Variants in PHF21A observed in about 807,000 individuals in gnomAD.
The protein encoded by PHF21A is PHD finger protein 21A, also known as BHC80a.
In PHF21A, 11 loss-of-function variants were observed where a neutral mutation model predicts 82.5. That is an observed-to-expected ratio of 0.13 (90% CI 0.08 to 0.22). The LOEUF is 0.22. Ranked by LOEUF, PHF21A falls within the 10% of genes least tolerant of loss-of-function variation. PHF21A has a pLI of 1.00. For synonymous variants in PHF21A, 297 were observed against 302.8 expected, an observed-to-expected ratio of 0.98 and a Z score of 0.20; for missense variants, 579 against 837.8, an observed-to-expected ratio of 0.69 and a Z score of 3.81.
chr11:46,107,704 C>G (rs1445289065), intron 1 of PHF21A, among the ~76,000 whole-genome samples: 2 of 152,136 alleles, frequency 1.3e-5, no homozygotes, highest in African/African-American at 2.4e-5. Context: ...AAAATTACAA[C>G]AGTGAATTAT....
chr11:45,969,772 G>T, intron 9 of PHF21A, 43 bp downstream of exon 9: 2 of 1,327,266 alleles, frequency 1.5e-6, no homozygotes, highest in Non-Finnish European at 2.2e-6. Context: ...GAGGATTTCT[G>T]TCCCATCTAA....
In PHF21A at chr11:46,086,773, C is replaced by T. The variant is rs1565920128; in HGVS notation, c.-83-2471G>A. Among the ~76,000 whole-genome samples the T allele has an allele frequency of 7.9e-5, 12 of 152,082 alleles. No individual in the cohort carries two copies. The South Asian group carries it at 2.5e-3, about 32-fold the overall frequency. On this transcript the variant is annotated intron_variant, in intron 3 of 18. Coordinates refer to ENST00000676320, the MANE Select transcript of PHF21A (RefSeq NM_001352027.3). ...CATTCTACTGACAGTAACATAAAAC[C>T]ATAGTTCAATTCAATTCACATAAAC...
At chr11:46,071,858 TAAG>T (rs1000410275) in intron 6 of PHF21A, among the ~76,000 whole-genome samples, 5 of 152,042 alleles carry the variant, frequency 3.3e-5, no homozygotes, top group Non-Finnish European at 7.4e-5. Context: ...CTCAAAAATC[TAAG>T]AAGATTTTCA....
chr11:46,109,190 G>A (rs1270545021), intron 1 of PHF21A, among the ~76,000 whole-genome samples: 1 of 152,184 alleles, frequency 6.6e-6, no homozygotes, highest in Non-Finnish European at 1.5e-5. Flanking sequence ...TTGAATCCAG[G>A]TTGTATCATT....
intron 6 of PHF21A, among the ~76,000 whole-genome samples, chr11:46,025,605 T>A (rs556446738): frequency 6.6e-6 from 1 of 152,350 alleles, no homozygotes; most frequent in African/African-American, 2.4e-5. Flanking sequence ...TAATCTCATT[T>A]AAAAAATTTT....
At position 45,979,782 on chromosome 11, in the gene PHF21A, G is replaced by A; in HGVS notation, c.338C>T (p.Ser113Phe). ...TACCTGTGAAGCAGTCAGGTTGGGA[G>A]AGGCTGCAGCTGACTGCTGGGCGTG... is the stretch of plus-strand genomic sequence containing the variant. The part of the protein sequence containing the change: ...HHHAQQSAAA[S>F]PNLTASQKTV... The change falls in exon 7 of 19, where the codon TCT becomes TTT. Residue 113 changes from serine (S) to phenylalanine (F), a missense_variant. Around this residue, in one of 3 missense-constraint regions of PHF21A, gnomAD observed 410 missense variants for 642.1 expected, o/e 0.64. Coordinates refer to ENST00000676320, the MANE Select transcript of PHF21A (RefSeq NM_001352027.3). 6.2e-7 allele frequency: 1 copy of A among 1,614,036 alleles called. No homozygotes were observed. The highest frequency in any genetic ancestry group is 8.5e-7 in the Non-Finnish European group (1 of 1,180,036).
intron 6 of PHF21A, among the ~76,000 whole-genome samples, chr11:46,021,242 G>A (rs1172571960): frequency 6.6e-6 from 1 of 151,770 alleles, no homozygotes; most frequent in Non-Finnish European, 1.5e-5. Flanking sequence ...TTTATTTTTT[G>A]TAGAGATGGG....
chr11:45,942,817 C>G (rs2090599578), intron 15 of PHF21A, among the ~76,000 whole-genome samples: 1 of 152,180 alleles, frequency 6.6e-6, no homozygotes, highest in African/African-American at 2.4e-5. Context: ...TGAGAACCTT[C>G]AAGTTCAAGG....
At chr11:46,067,147 T>G (rs554060493) in intron 6 of PHF21A, among the ~76,000 whole-genome samples, 1 of 152,284 alleles carries the variant, frequency 6.6e-6, no homozygotes, top group African/African-American at 2.4e-5. Context: ...GTTTTCAAAT[T>G]TTCTTTTGTG....
intron 1 of PHF21A, among the ~76,000 whole-genome samples, chr11:46,096,284 T>TA (rs1361782999): frequency 7.1e-6 from 1 of 141,450 alleles, no homozygotes; most frequent in African/African-American, 2.8e-5. Flanking sequence ...TAAAAAATAA[T>TA]AATTAAAAAA....
chr11:45,986,403 G>GTTT (rs749831036), intron 6 of PHF21A, among the ~76,000 whole-genome samples: 1 of 152,132 alleles, frequency 6.6e-6, no homozygotes, highest in Non-Finnish European at 1.5e-5. Flanking sequence ...CCTTTAATTT[G>GTTT]TGTCAAACAA....
At chr11:46,020,325 C>G (rs1260589065) in intron 6 of PHF21A, among the ~76,000 whole-genome samples, 1 of 152,194 alleles carries the variant, frequency 6.6e-6, no homozygotes, top group African/African-American at 2.4e-5. Flanking sequence ...CCTGAAGTGG[C>G]TGCTAGTATC....
intron 6 of PHF21A, among the ~76,000 whole-genome samples, chr11:46,074,804 A>G (rs568090676): frequency 6.6e-6 from 1 of 152,296 alleles, no homozygotes; most frequent in South Asian, 2.1e-4. Flanking sequence ...TGCCTGGCCA[A>G]TAAAACTATT....
intron 18 of PHF21A, chr11:45,934,524 T>C (rs1321175010): frequency 1.9e-5 from 6 of 317,486 alleles, no homozygotes; most frequent in Non-Finnish European, 2.3e-5. Flanking sequence ...AGAGCCGCCA[T>C]CAGACTTCCA....
intron 9 of PHF21A, among the ~76,000 whole-genome samples, chr11:45,968,787 G>A (rs748436911): frequency 1.3e-5 from 2 of 152,012 alleles, no homozygotes; most frequent in Middle Eastern, 3.4e-3. Context: ...AAAATTAGCC[G>A]GGCGTGGTGG....
chr11:46,019,655 T>G (rs1380029189), intron 6 of PHF21A, among the ~76,000 whole-genome samples: 1 of 152,240 alleles, frequency 6.6e-6, no homozygotes, highest in African/African-American at 2.4e-5. Context: ...TTATATTAAC[T>G]TAAGCAATCA....
chr11:46,112,903 T>A (rs962125777), intron 1 of PHF21A, among the ~76,000 whole-genome samples: 2 of 152,222 alleles, frequency 1.3e-5, no homozygotes, highest in Non-Finnish European at 2.9e-5. Context: ...AAGTTTTCAA[T>A]ATATTATTTT....
rs576106940 is a variant in PHF21A at position 45,935,565 on chromosome 11, G to C, written c.1788+71C>G. On this transcript the variant is annotated intron_variant, in intron 18 of 18. Transcript: ENST00000676320. ...AAACAGCCTGGGGCCCACACGTACT[G>C]TTACGTATATTGGAAAGGCCTAGGT... The C allele has an allele frequency of 1.4e-3, 1,168 of 849,354 alleles. 3 individuals carry two copies. The highest frequency in any genetic ancestry group is 2.2e-3 in the Non-Finnish European group (1,100 of 498,104). 52.6% of individuals were successfully genotyped at this position (849,354 alleles called of 1,614,324 possible).
intron 6 of PHF21A, among the ~76,000 whole-genome samples, chr11:46,060,225 T>C (rs559844192): frequency 4.1e-4 from 62 of 152,278 alleles, no homozygotes; most frequent in African/African-American, 1.4e-3. Context: ...CTCAAACTCC[T>C]GGCCTCAAGC....
Sources: allele counts gnomAD v4.1 joint callset (sites outside exome capture counted in the v4.1 genomes callset), GRCh38; gene constraint gnomAD v4.1.1; regional missense constraint gnomAD v4.1.1; transcripts MANE v1.5; gene names NCBI Gene and HGNC (gene_info 2026-07-23, HGNC 2026-07-21).